The following PCDHGA7 variants were observed in gnomAD, a reference collection of about 807,000 sequenced individuals.
PCDHGA7 encodes protocadherin gamma subfamily A, 7.
Under a neutral mutation model 58.3 loss-of-function variants are expected in PCDHGA7, and 44 were observed. That is an observed-to-expected ratio of 0.75 (90% CI 0.59 to 0.97). The LOEUF (loss-of-function observed/expected upper bound fraction) is 0.97. PCDHGA7 is among the 50% of genes least tolerant of loss of function. PCDHGA7 has a pLI of 0.00. For missense variants in PCDHGA7, 1,266 were observed against 1,188.7 expected (o/e 1.06, Z -0.96); for synonymous variants, 516 against 504.2 (o/e 1.02, Z -0.31).
chr5:141,410,252 C>A, intron 1 of PCDHGA7: 2 of 1,613,998 alleles, frequency 1.2e-6, no homozygotes. Context: ...ACTCTCTGAC[C>A]CCCAGGCTGA....
chr5:141,509,477 G>A (rs753058277), intron 3 of PCDHGA7, among the ~76,000 whole-genome samples: 7 of 152,166 alleles, frequency 4.6e-5, no homozygotes, highest in African/African-American at 7.2e-5. Context: ...CAGGTGAGGG[G>A]TAGAGGTGAT....
chr5:141,418,433 C>A (rs761824602), intron 1 of PCDHGA7: 6 of 1,613,820 alleles, frequency 3.7e-6, no homozygotes, highest in South Asian at 3.3e-5. Flanking sequence ...TGGCAAATAT[C>A]CAGAATTAGT....
At chr5:141,510,304 A>G (rs1030803209) in intron 3 of PCDHGA7, among the ~76,000 whole-genome samples, 1 of 151,732 alleles carries the variant, frequency 6.6e-6, no homozygotes, top group Non-Finnish European at 1.5e-5. Context: ...CTGTTTTGAA[A>G]TGGAGGCTTG....
At position 141,485,343 on chromosome 5, in the gene PCDHGA7, A is replaced by G; in HGVS notation, c.2425-9464A>G. ...GCTCAAGATTTCCTGCTGGATACGG[A>G]CAGTCTGTCAGCTCGCAGGCTGCAG... On this transcript the variant is annotated intron_variant, in intron 1 of 3. Transcript: ENST00000518325. This position sits in a 1 kb window ranked among gnomAD's most constrained non-coding sequence, Gnocchi z 5.7. 1 of 1,614,062 alleles carries G rather than the reference A, an allele frequency of 6.2e-7. No homozygotes were observed. Among genetic ancestry groups the G allele is most frequent in the Non-Finnish European group, 8.5e-7 (1 of 1,179,984 alleles).
chr5:141,487,533 T>C lies in PCDHGA7; in HGVS notation c.2425-7274T>C. On this transcript the variant is annotated intron_variant, in intron 1 of 3. Coordinates refer to ENST00000518325, the MANE Select transcript of PCDHGA7 (RefSeq NM_018920.4). This position sits in a 1 kb window ranked among gnomAD's most constrained non-coding sequence, Gnocchi z 5.0. The stretch of plus-strand genomic sequence containing the variant: ...CCCACTCGGAGTGATAGCTTCATGA[T>C]GGTGAAGTCACCCAGTGCACCTATG... 6.2e-7 allele frequency: 1 copy of C among 1,614,186 alleles called. No individual in the cohort carries two copies. Among genetic ancestry groups the C allele is most frequent in the South Asian group, 1.1e-5 (1 of 91,080 alleles).
chr5:141,413,207 C>CA lies in PCDHGA7; in HGVS notation c.2424+27887dup, dbSNP rs753988593. On this transcript the variant is annotated intron_variant, in intron 1 of 3. Transcript: ENST00000518325. The stretch of plus-strand genomic sequence containing the variant: ...GCTCAAAGGAATCGCTCAAAGGAAT[C>CA]AAAGGATTGCAGCGGGCTGGTCCTG... The CA allele has an allele frequency of 1.7e-5, 27 of 1,612,874 alleles. No homozygotes were observed. In the East Asian group the frequency reaches 6.0e-4, roughly 36 times the overall value.
At chr5:141,448,990 T>C (rs1419678645) in intron 1 of PCDHGA7, among the ~76,000 whole-genome samples, 1 of 152,070 alleles carries the variant, frequency 6.6e-6, no homozygotes, top group Non-Finnish European at 1.5e-5. Flanking sequence ...TATTAATATA[T>C]AGAAAGCTGT....
rs2099405848 is a variant in PCDHGA7 at position 141,477,120 on chromosome 5, A to G, written c.2425-17687A>G. 2 of 1,614,118 alleles carry G rather than the reference A, an allele frequency of 1.2e-6. No homozygotes were observed. Among genetic ancestry groups the G allele is most frequent in the African/African-American group, 2.7e-5 (2 of 74,942 alleles). On this transcript the variant is annotated intron_variant, in intron 1 of 3. Transcript: ENST00000518325. This position sits in a 1 kb window ranked among gnomAD's most constrained non-coding sequence, Gnocchi z 4.9. ...AAGGGCGCCAATCCCGAAGGAGCAC[A>G]TTGCAAAGTGTTGGTGGAGGTTGTG...
At chr5:141,458,987 C>A (rs2098958554) in intron 1 of PCDHGA7, among the ~76,000 whole-genome samples, 1 of 152,168 alleles carries the variant, frequency 6.6e-6, no homozygotes, top group Non-Finnish European at 1.5e-5. Context: ...CCTGCCTCAC[C>A]CTCCCAAAGT....
chr5:141,392,299 T>C (rs1165805349), intron 1 of PCDHGA7: 1 of 151,994 alleles, frequency 6.6e-6, no homozygotes, highest in African/African-American at 2.4e-5. Flanking sequence ...GAAATGAAAG[T>C]ATCATGTTTT....
chr5:141,382,881 C>G lies in PCDHGA7; in HGVS notation c.-19C>G, dbSNP rs780011802. The G allele has an allele frequency of 6.5e-7, 1 of 1,527,170 alleles. No homozygotes were observed. Among genetic ancestry groups the G allele is most frequent in the South Asian group, 1.3e-5 (1 of 76,418 alleles). The allele number at this position is 1,527,170 out of a possible 1,614,324, so 94.6% of individuals were successfully genotyped here. On this transcript the variant is annotated 5_prime_UTR_variant, in exon 1 of 4. Transcript: ENST00000518325. ...GCACTTCCCGAGATCGGCGCCTAAG[C>G]AAGAGAAGCAGGACGACTATGGCGG...
Position 141,487,424 on chromosome 5 carries a change from C to T in PCDHGA7, c.2425-7383C>T, listed in dbSNP as rs759893122. 5 of 1,613,982 alleles carry T rather than the reference C, an allele frequency of 3.1e-6. No individual in the cohort carries two copies. The highest frequency in any genetic ancestry group is 1.7e-5 in the Admixed American group (1 of 60,000). On this transcript the variant is annotated intron_variant, in intron 1 of 3. Transcript: ENST00000518325. The surrounding 1 kb of genome is among the most constrained non-coding windows in gnomAD (Gnocchi z 5.0). ...GCTTCCCCCTTCCAATGGGATCCTC[C>T]GAATCCAGCTAGGGTCAGATGACCC...
intron 2 of PCDHGA7, among the ~76,000 whole-genome samples, chr5:141,495,452 C>G (rs543717781): frequency 1.3e-5 from 2 of 152,356 alleles, no homozygotes; most frequent in South Asian, 2.1e-4. Context: ...TTGTCCTGCT[C>G]TCTGTCTGTG....
chr5:141,384,982 G>A lies in PCDHGA7; in HGVS notation c.2083G>A (p.Val695Met). 6.2e-7 allele frequency: 1 copy of A among 1,614,144 alleles called. No homozygotes were observed. The highest frequency in any genetic ancestry group is 1.1e-5 in the South Asian group (1 of 91,082). The change falls in exon 1 of 4, where the codon GTG (valine) becomes ATG (methionine). Residue 695 changes from valine (V) to methionine (M), a missense_variant. Transcript: ENST00000518325. The part of the protein sequence containing the change: ...YNYDLTLYLV[V>M]AVATVSCVFL... ...CTATGACCTCACGTTGTACCTGGTG[G>A]TGGCGGTGGCCACAGTCTCCTGCGT...
intron 1 of PCDHGA7, chr5:141,441,550 G>C (rs2098254247): frequency 5.4e-6 from 1 of 184,034 alleles, no homozygotes; most frequent in Non-Finnish European, 1.1e-5. Context: ...AGCCTCCATA[G>C]TGTGCAAGTA....
intron 1 of PCDHGA7, chr5:141,423,762 G>T: frequency 2.3e-5 from 6 of 264,236 alleles, no homozygotes; most frequent in Non-Finnish European, 3.4e-5. Context: ...GGGGGGGGGT[G>T]GGGCGGCATA....
Position 141,459,563 on chromosome 5 carries a change from C to T in PCDHGA7, c.2425-35244C>T, listed in dbSNP as rs1382676727. On this transcript the variant is annotated intron_variant, in intron 1 of 3. Coordinates refer to ENST00000518325, the MANE Select transcript of PCDHGA7 (RefSeq NM_018920.4). ...TTTTATTTCTCTTGGATAAATACCCCAAAACAGAATTGTTTTGGGGGTCAT... is the reference window on the plus strand; with the variant it reads ...TTTTATTTCTCTTGGATAAATACCCTAAAACAGAATTGTTTTGGGGGTCAT... Among the ~76,000 whole-genome samples, 21 of 152,044 alleles carry T rather than the reference C, an allele frequency of 1.4e-4. 1 individual carries two copies.
In PCDHGA7 at chr5:141,432,670, G is replaced by C; in HGVS notation, c.2424+47347G>C. On this transcript the variant is annotated intron_variant, in intron 1 of 3. Transcript: ENST00000518325. The surrounding 1 kb of genome is among the most constrained non-coding windows in gnomAD (Gnocchi z 6.0). ...CGCGAGCCCTGCTGGACAGAGACGCGCTCAAGCAGAGCCTCGTAGTGGCCG... is the reference window on the plus strand; with the variant it reads ...CGCGAGCCCTGCTGGACAGAGACGCCCTCAAGCAGAGCCTCGTAGTGGCCG... 1 of 1,613,868 alleles carries C rather than the reference G, an allele frequency of 6.2e-7. No homozygotes were observed. The highest frequency in any genetic ancestry group is 8.5e-7 in the Non-Finnish European group (1 of 1,179,940).
chr5:141,436,600 G>C (rs1054182433), intron 1 of PCDHGA7, among the ~76,000 whole-genome samples: 2 of 152,154 alleles, frequency 1.3e-5, no homozygotes, highest in African/African-American at 2.4e-5. Context: ...CGTGGTGATG[G>C]CTAGGGCTAA....
Sources: allele counts gnomAD v4.1 joint callset (sites outside exome capture counted in the v4.1 genomes callset), GRCh38; gene constraint gnomAD v4.1.1; non-coding constraint Gnocchi (gnomAD v3.1); transcripts MANE v1.5; gene names NCBI Gene and HGNC (gene_info 2026-07-23, HGNC 2026-07-21).